TBCD: variants seen among roughly 807,000 people sequenced by gnomAD.
The protein encoded by TBCD is tubulin-specific chaperone D.
Under a neutral mutation model 169.3 loss-of-function variants are expected in TBCD, and 105 were observed. The observed-to-expected ratio is 0.62, with a 90% CI of 0.53 to 0.73. The LOEUF (loss-of-function observed/expected upper bound fraction) is 0.73. Among genes scored for constraint, TBCD ranks in the 30% least tolerant of loss-of-function variants. The pLI is 0.00. For missense variants in TBCD, 1,444 were observed against 1,600.1 expected, an observed-to-expected ratio of 0.90 and a Z score of 1.66; for synonymous variants, 700 against 643.9, an observed-to-expected ratio of 1.09 and a Z score of -1.32.
At chr17:82,834,477 C>T (rs1206880686) in intron 13 of TBCD, among the ~76,000 whole-genome samples, 2 of 152,194 alleles carry the variant, frequency 1.3e-5, no homozygotes, top group African/African-American at 4.8e-5. Flanking sequence ...AAATGCCTAT[C>T]AGTGATAGAC....
intron 14 of TBCD, among the ~76,000 whole-genome samples, chr17:82,871,517 A>G (rs1053873093): frequency 2.0e-5 from 3 of 152,248 alleles, no homozygotes; most frequent in Non-Finnish European, 4.4e-5. Context: ...TGACTTCAGA[A>G]TTATGCCCAA....
intron 37 of TBCD, among the ~76,000 whole-genome samples, chr17:82,940,908 C>A (rs2063158632): frequency 6.6e-6 from 1 of 152,106 alleles, no homozygotes; most frequent in African/African-American, 2.4e-5. Context: ...GAGGGAGGAA[C>A]TAGCAGGGTG....
At position 82,859,604 on chromosome 17, in the gene TBCD, G is replaced by T. The variant is rs948955518; in HGVS notation, c.1319-10620G>T. 4.1e-6 allele frequency: 4 copies of T among 985,354 alleles called. No individual in the cohort carries two copies. In the African/African-American group the frequency reaches 7.0e-5, roughly 17 times the overall value. The allele number at this position is 985,354 out of a possible 1,614,324, so 61.0% of individuals were successfully genotyped here. A position where few individuals can be genotyped will look rare whatever the true frequency, so the allele number is the denominator to read the frequency against. Reference sequence around the variant, plus strand: ...TGGTTTCCGGCACTGCAGACTCCAAGTGTGAGCCCTGTAGTGAGGACAAAG... The same window carrying T: ...TGGTTTCCGGCACTGCAGACTCCAATTGTGAGCCCTGTAGTGAGGACAAAG... On this transcript the variant is annotated intron_variant, in intron 13 of 38. Coordinates refer to ENST00000355528, the MANE Select transcript of TBCD (RefSeq NM_005993.5).
intron 34 of TBCD, among the ~76,000 whole-genome samples, chr17:82,933,572 C>T (rs536364704): frequency 1.3e-5 from 2 of 150,138 alleles, no homozygotes; most frequent in South Asian, 2.1e-4. Flanking sequence ...ATCTGGGGCA[C>T]GTTGGGTCAT....
rs1230702563 is a variant in TBCD, at chr17:82,944,382, T to TAA, written c.*1920_*1921insAA. 7.9e-5 allele frequency: 12 copies of TAA among 152,194 alleles called. No individual in the cohort carries two copies. The highest frequency in any genetic ancestry group is 2.9e-4 in the African/African-American group (12 of 41,534). The allele number at this position is 152,194 out of a possible 1,614,324, so 9.4% of individuals were successfully genotyped here. On this transcript the variant is annotated 3_prime_UTR_variant, in exon 39 of 39. Coordinates refer to ENST00000355528, the MANE Select transcript of TBCD (RefSeq NM_005993.5). ...CTGGAGCCCACCAGGGTCCAGGTGA[T>TAA]AGAGTTTGGCAAGGAACCCCTTGCT...
intron 16 of TBCD, chr17:82,893,333 A>C: frequency 1.8e-6 from 1 of 560,032 alleles, no homozygotes; most frequent in Admixed American, 3.6e-5. Flanking sequence ...GGTTTCAATG[A>C]TTTAGCGTGG....
chr17:82,854,096 G>C (rs1309753745), intron 13 of TBCD, among the ~76,000 whole-genome samples: 2 of 152,156 alleles, frequency 1.3e-5, no homozygotes, highest in African/African-American at 4.8e-5. Flanking sequence ...AGCACACCCT[G>C]ACCTCGATCA....
intron 1 of TBCD, among the ~76,000 whole-genome samples, chr17:82,753,797 C>T (rs564691793): frequency 1.3e-5 from 2 of 151,226 alleles, no homozygotes; most frequent in African/African-American, 4.9e-5. Flanking sequence ...GTTGATTTGT[C>T]AGGGCAGGGG....
In TBCD at chr17:82,874,994, G is replaced by A. The variant is rs192159340; in HGVS notation, c.1475+4614G>A. ...ATGGAAATGCCTGATCGAGCTGGGC[G>A]GTGGCAGCAGCCGCTCCTCACTCTT... On this transcript the variant is annotated intron_variant, in intron 14 of 38. Coordinates refer to ENST00000355528, the MANE Select transcript of TBCD (RefSeq NM_005993.5). This position sits in a 1 kb window ranked among gnomAD's most constrained non-coding sequence, Gnocchi z 5.0. Among the ~76,000 whole-genome samples, 27 of 152,328 alleles carry A rather than the reference G, an allele frequency of 1.8e-4. No individual in the cohort carries two copies. The East Asian group carries it at 3.9e-3, about 22-fold the overall frequency.
chr17:82,852,864 GGTATAGGCCTGGGCTTGGA>G (rs1567892870), intron 13 of TBCD, among the ~76,000 whole-genome samples: 2 of 152,152 alleles, frequency 1.3e-5, no homozygotes, highest in Admixed American at 6.5e-5. Flanking sequence ...TTTTGTCTTG[GGTATAGGCCTGGGCTTGGA>G]GCATAGGACT....
rs376875000 is a variant in TBCD at position 82,870,266 on chromosome 17, G to A, written c.1361G>A (p.Arg454Gln). 119 of 1,613,484 alleles carry A rather than the reference G, an allele frequency of 7.4e-5. No homozygotes were observed. Among genetic ancestry groups the A allele is most frequent in the East Asian group, 8.9e-5 (4 of 44,880 alleles). The change falls in exon 14 of 39, where the codon CGG (arginine) becomes CAG (glutamine). Residue 454 changes from arginine to glutamine, a missense_variant. Coordinates refer to ENST00000355528, the MANE Select transcript of TBCD (RefSeq NM_005993.5). Reference protein sequence around the residue: ...ILKALTYDEKRGACSVGTNVR... With the variant: ...ILKALTYDEKQGACSVGTNVR... ...AAGGCGCTGACCTACGACGAGAAGC[G>A]GGGTGCCTGCAGCGTGGGCACCAAC... is the stretch of plus-strand genomic sequence containing the variant.
rs552699232 is a variant in TBCD at position 82,781,681 on chromosome 17, T to C, written c.731T>C (p.Met244Thr). The change falls in exon 7 of 39, where the codon ATG becomes ACG. Residue 244 changes from methionine to threonine, a missense_variant. Transcript: ENST00000355528. ...CTGGCCCGTTCCTCCTTCCAGACCA[T>C]GCAGGGGGTCATCACCATGGATGGG... ...CNLARSSFQT[M>T]QGVITMDGTL... is the part of the protein sequence containing the mutation. The C allele has an allele frequency of 9.9e-6, 16 of 1,613,880 alleles. No homozygotes were observed. In the African/African-American group the frequency reaches 1.6e-4, roughly 16 times the overall value.
chr17:82,762,604 C>T (rs1213766543), intron 2 of TBCD, among the ~76,000 whole-genome samples: 1 of 151,910 alleles, frequency 6.6e-6, no homozygotes, highest in Non-Finnish European at 1.5e-5. Flanking sequence ...AAAAAATTAG[C>T]CGGGTGTGGT....
At position 82,906,444 on chromosome 17, in the gene TBCD, C is replaced by T. The variant is rs567428401; in HGVS notation, c.1922+391C>T. ...CATGTTCAGTATCCTTTCTTCATCA[C>T]GTTCCATAGTTTAAAATGCCAGAGA... On this transcript the variant is annotated intron_variant, in intron 20 of 38. Transcript: ENST00000355528. Among the ~76,000 whole-genome samples, 312 of 152,376 alleles carry T rather than the reference C, an allele frequency of 2.0e-3. 3 individuals are homozygous for T. The highest frequency in any genetic ancestry group is 7.1e-3 in the African/African-American group (296 of 41,590).
intron 36 of TBCD, chr17:82,939,043 C>G (rs554542247): frequency 5.7e-6 from 2 of 351,268 alleles, no homozygotes; most frequent in Admixed American, 5.0e-5. Context: ...GGTGAGGGAG[C>G]AGGTTAGTTA....
In TBCD at chr17:82,924,602, A is replaced by G. The variant is rs576488292; in HGVS notation, c.2261-337A>G. Among the ~76,000 whole-genome samples the G allele has an allele frequency of 2.0e-5, 3 of 152,350 alleles. No homozygotes were observed. In the South Asian group the frequency reaches 6.2e-4, roughly 32 times the overall value. Reference sequence around the variant, plus strand: ...GTGTGAATCACCACTTAAAATTATTATAAGTATATAAAAATCATGCATTAG... The same window carrying G: ...GTGTGAATCACCACTTAAAATTATTGTAAGTATATAAAAATCATGCATTAG... On this transcript the variant is annotated intron_variant, in intron 26 of 38. Coordinates refer to ENST00000355528, the MANE Select transcript of TBCD (RefSeq NM_005993.5).
intron 13 of TBCD, chr17:82,840,527 GTC>G (rs2145438182): frequency 6.6e-6 from 1 of 152,388 alleles, no homozygotes; most frequent in African/African-American, 2.4e-5. Flanking sequence ...GCTCCTGAGA[GTC>G]TCTGTCCCTG....
intron 14 of TBCD, among the ~76,000 whole-genome samples, chr17:82,881,745 T>C (rs2058366038): frequency 6.6e-6 from 1 of 152,248 alleles, no homozygotes; most frequent in Admixed American, 6.5e-5. Flanking sequence ...GTTGTTTCTG[T>C]TTTATTTAAT....
At chr17:82,879,122 A>T (rs1225315081) in intron 14 of TBCD, among the ~76,000 whole-genome samples, 1 of 130,938 alleles carries the variant, frequency 7.6e-6, no homozygotes, top group East Asian at 2.2e-4. Flanking sequence ...GCACCACAAG[A>T]TGCACCTGGC....
Sources: gnomAD v4.1 joint callset for allele counts (sites outside exome capture counted in the v4.1 genomes callset) on GRCh38, gnomAD v4.1.1 for gene constraint, Gnocchi (gnomAD v3.1) non-coding constraint, MANE v1.5 for transcripts, NCBI Gene and HGNC (gene_info 2026-07-23, HGNC 2026-07-21) for gene names.